Variants in BANK1 observed in about 807,000 individuals in gnomAD.
BANK1 encodes the protein B cell scaffold protein with ankyrin repeats 1.
A neutral mutation model predicts 94.5 loss-of-function variants in BANK1; 95 were observed. The observed-to-expected ratio is 1.00, with a 90% CI of 0.85 to 1.19. The LOEUF is 1.19. Among genes scored for constraint, BANK1 ranks in the 50% most tolerant of loss-of-function variants. The probability of loss-of-function intolerance (pLI) is 0.00; values close to 1 mark genes in which losing one functional copy is unlikely to be tolerated. For missense variants in BANK1, 987 were observed against 932.2 expected (o/e 1.06, Z -0.77); for synonymous variants, 334 against 308.4 (o/e 1.08, Z -0.87).
intron 9 of BANK1, among the ~76,000 whole-genome samples, chr4:102,026,933 T>C (rs1208134487): frequency 6.6e-6 from 1 of 152,066 alleles, no homozygotes; most frequent in Non-Finnish European, 1.5e-5. Flanking sequence ...TATTTAGAGA[T>C]GGAAAGTACT....
chr4:101,973,784 G>A (rs1560660511), intron 7 of BANK1, among the ~76,000 whole-genome samples: 1 of 151,904 alleles, frequency 6.6e-6, no homozygotes, highest in Non-Finnish European at 1.5e-5. Context: ...ATTATCTTTT[G>A]CATATAAAAC....
chr4:102,000,975 C>T (rs1726048299), intron 7 of BANK1, among the ~76,000 whole-genome samples: 1 of 152,074 alleles, frequency 6.6e-6, no homozygotes, highest in South Asian at 2.1e-4. Context: ...AAGTATTAAA[C>T]TAAGCTCTAA....
intron 6 of BANK1, among the ~76,000 whole-genome samples, chr4:101,900,870 C>T (rs1258456567): frequency 6.6e-6 from 1 of 152,110 alleles, no homozygotes; most frequent in Non-Finnish European, 1.5e-5. Context: ...TGAGATTATT[C>T]TGCAGAGAGG....
rs1390375601 is a variant in BANK1, at chr4:102,072,538, G to A, written c.2298+138G>A. ...CAAAATAGGTTAGGTGTGCCTTTGTGTGCAAAATCTATGAGCATTTATTTA... is the reference window on the plus strand; with the variant it reads ...CAAAATAGGTTAGGTGTGCCTTTGTATGCAAAATCTATGAGCATTTATTTA... On this transcript the variant is annotated intron_variant, in intron 15 of 16. Transcript: ENST00000322953. 5.4e-6 allele frequency: 3 copies of A among 558,848 alleles called. No individual in the cohort carries two copies. The African/African-American group carries it at 5.9e-5, about 11-fold the overall frequency. The allele number at this position is 558,848 out of a possible 1,614,324, so 34.6% of individuals were successfully genotyped here. A position where few individuals can be genotyped will look rare whatever the true frequency, so the allele number is the denominator to read the frequency against.
intron 2 of BANK1, among the ~76,000 whole-genome samples, chr4:101,846,560 C>A (rs1271329404): frequency 2.6e-5 from 4 of 152,162 alleles, no homozygotes; most frequent in Non-Finnish European, 5.9e-5. Flanking sequence ...TTAAATAACT[C>A]ACAGTTCTGC....
chr4:101,896,564 T>G (rs1722086882), intron 6 of BANK1, among the ~76,000 whole-genome samples: 1 of 151,974 alleles, frequency 6.6e-6, no homozygotes, highest in Non-Finnish European at 1.5e-5. Flanking sequence ...TCTTGTGAAA[T>G]TAGCGACATT....
chr4:101,987,275 G>T (rs1223857233), intron 7 of BANK1, among the ~76,000 whole-genome samples: 2 of 151,936 alleles, frequency 1.3e-5, no homozygotes, highest in East Asian at 3.9e-4. Context: ...ATTACTAAGT[G>T]TTCTGTGTGT....
chr4:101,925,930 C>T (rs1271555211), intron 7 of BANK1, among the ~76,000 whole-genome samples: 1 of 151,700 alleles, frequency 6.6e-6, no homozygotes, highest in Non-Finnish European at 1.5e-5. Flanking sequence ...AGTATTGACA[C>T]CATATCTGTC....
chr4:102,030,019 C>A lies in BANK1; in HGVS notation c.1654C>A (p.Gln552Lys). 1.5e-5 allele frequency: 25 copies of A among 1,612,966 alleles called. No homozygotes were observed. The highest frequency in any genetic ancestry group is 2.0e-5 in the Non-Finnish European group (24 of 1,179,704). Reference sequence around the variant, plus strand: ...AAACTGGGGTCATCCTGGTGTTAGACAAGAAACAGGAGATGAACCCAAAGG... The same window carrying A: ...AAACTGGGGTCATCCTGGTGTTAGAAAAGAAACAGGAGATGAACCCAAAGG... ...SQNWGHPGVRQETGDEPKGEK... is the reference protein window; with the variant it reads ...SQNWGHPGVRKETGDEPKGEK... Residue 552 changes from glutamine to lysine, a missense_variant, in exon 10 of 17, where the codon CAA (glutamine) becomes AAA (lysine). Physicochemically the swap from Gln to Lys is moderately conservative, Grantham distance 53. Coordinates refer to ENST00000322953, the MANE Select transcript of BANK1 (RefSeq NM_017935.5).
At chr4:102,046,761 T>A (rs1318867935) in intron 11 of BANK1, among the ~76,000 whole-genome samples, 1 of 152,164 alleles carries the variant, frequency 6.6e-6, no homozygotes, top group East Asian at 1.9e-4. Flanking sequence ...TGCCTCCAGT[T>A]TTCCCTAAAA....
intron 1 of BANK1, among the ~76,000 whole-genome samples, chr4:101,804,313 G>T (rs1161661001): frequency 6.6e-6 from 1 of 152,170 alleles, no homozygotes; most frequent in African/African-American, 2.4e-5. Flanking sequence ...TGCTACTGCA[G>T]TGAGATCAAG....
intron 6 of BANK1, among the ~76,000 whole-genome samples, chr4:101,909,809 A>G (rs140378898): frequency 3.9e-4 from 60 of 152,356 alleles, no homozygotes; most frequent in African/African-American, 1.4e-3. Context: ...CAATCATACC[A>G]TCATAAAATG....
At chr4:101,818,724 C>T (rs76710516) in intron 1 of BANK1, among the ~76,000 whole-genome samples, 4,285 of 152,032 alleles carry the variant, frequency 0.028, 191 homozygotes, top group African/African-American at 0.098. Flanking sequence ...ATGCTCCTAC[C>T]GTGCCTACTT....
intron 10 of BANK1, among the ~76,000 whole-genome samples, chr4:102,038,147 T>C (rs1727579641): frequency 6.6e-6 from 1 of 152,148 alleles, no homozygotes; most frequent in Non-Finnish European, 1.5e-5. Flanking sequence ...CATAATCAAA[T>C]AGCTGATCTT....
intron 6 of BANK1, among the ~76,000 whole-genome samples, chr4:101,915,669 G>A (rs1332850340): frequency 6.6e-6 from 1 of 152,110 alleles, no homozygotes; most frequent in Non-Finnish European, 1.5e-5. Flanking sequence ...AGTAAAGTAT[G>A]TATCTACTTG....
intron 2 of BANK1, among the ~76,000 whole-genome samples, chr4:101,841,872 G>A (rs577194831): frequency 3.4e-5 from 5 of 146,216 alleles, no homozygotes; most frequent in African/African-American, 7.6e-5. Flanking sequence ...GAGAATATGC[G>A]GTGTTTGGTT....
intron 7 of BANK1, among the ~76,000 whole-genome samples, chr4:101,976,716 G>C (rs1325564754): frequency 1.3e-5 from 2 of 152,094 alleles, no homozygotes; most frequent in African/African-American, 4.8e-5. Flanking sequence ...AGTTTAGTCA[G>C]TTTTATAACT....
chr4:101,829,209 T>C (rs1726507747), intron 1 of BANK1, among the ~76,000 whole-genome samples: 1 of 152,210 alleles, frequency 6.6e-6, no homozygotes, highest in African/African-American at 2.4e-5. Flanking sequence ...TTGTTTCACA[T>C]TGATCCATAG....
At chr4:101,804,734 GCTTA>G (rs1430460961) in intron 1 of BANK1, among the ~76,000 whole-genome samples, 2 of 152,078 alleles carry the variant, frequency 1.3e-5, no homozygotes, top group Non-Finnish European at 2.9e-5. Flanking sequence ...CTTTTCTCTA[GCTTA>G]CTTTATTGTA....
Sources: allele counts gnomAD v4.1 joint callset (sites outside exome capture counted in the v4.1 genomes callset), GRCh38; gene constraint gnomAD v4.1.1; transcripts MANE v1.5; gene names NCBI Gene and HGNC (gene_info 2026-07-23, HGNC 2026-07-21).